The following IFRD1 variants were observed in gnomAD, a reference collection of about 807,000 sequenced individuals.
The protein encoded by IFRD1 is interferon related developmental regulator 1, also known as interferon-related developmental regulator 1.
In IFRD1, 35 loss-of-function variants were observed where a neutral mutation model predicts 52.9. The observed-to-expected ratio is 0.66, with a 90% CI of 0.51 to 0.88. The LOEUF (loss-of-function observed/expected upper bound fraction) is 0.88. Among genes scored for constraint, IFRD1 ranks in the 40% least tolerant of loss-of-function variants. The probability of loss-of-function intolerance (pLI) is 0.00; values close to 1 mark genes in which losing one functional copy is unlikely to be tolerated. For synonymous variants in IFRD1, 184 were observed against 188.4 expected (o/e 0.98, Z 0.19); for missense variants, 517 against 550.8 (o/e 0.94, Z 0.61).
chr7:112,466,468 G>C (rs1245012335), intron 8 of IFRD1, among the ~76,000 whole-genome samples: 1 of 152,016 alleles, frequency 6.6e-6, no homozygotes. Flanking sequence ...TTGTAGGGGT[G>C]GGGGCTGTCT....
chr7:112,463,017 G>A (rs867038103), intron 8 of IFRD1, among the ~76,000 whole-genome samples: 6 of 152,030 alleles, frequency 3.9e-5, no homozygotes, highest in African/African-American at 1.2e-4. Flanking sequence ...CCTTTATCTC[G>A]GGCAAACTGG....
At chr7:112,459,654 T>G (rs1584492160) in intron 5 of IFRD1, among the ~76,000 whole-genome samples, 1 of 152,202 alleles carries the variant, frequency 6.6e-6, no homozygotes, top group Non-Finnish European at 1.5e-5. Flanking sequence ...GTAACATTAA[T>G]CTTTGTCTAA....
chr7:112,424,998 G>A (rs1584459743), intron 1 of IFRD1, among the ~76,000 whole-genome samples: 1 of 152,014 alleles, frequency 6.6e-6, no homozygotes. Context: ...TGATTGTCAG[G>A]TTTTGTTTTG....
chr7:112,474,649 G>A (rs539622906), intron 11 of IFRD1, among the ~76,000 whole-genome samples: 24 of 152,050 alleles, frequency 1.6e-4, no homozygotes, highest in African/African-American at 2.4e-4. Flanking sequence ...TATTGGAGAC[G>A]ATATTTAAAT....
intron 1 of IFRD1, among the ~76,000 whole-genome samples, chr7:112,443,734 G>C (rs1794951418): frequency 6.6e-6 from 1 of 151,848 alleles, no homozygotes; most frequent in African/African-American, 2.4e-5. Context: ...CAGGCATGGT[G>C]GTGAACGCCT....
At chr7:112,464,759 A>G (rs1425897651) in intron 8 of IFRD1, among the ~76,000 whole-genome samples, 2 of 152,164 alleles carry the variant, frequency 1.3e-5, no homozygotes, top group African/African-American at 4.8e-5. Context: ...ACTTGGGAAA[A>G]TTTAACAAAA....
At chr7:112,463,810 A>G (rs1795526737) in intron 8 of IFRD1, among the ~76,000 whole-genome samples, 1 of 151,176 alleles carries the variant, frequency 6.6e-6, no homozygotes, top group Non-Finnish European at 1.5e-5. Flanking sequence ...ATATAGACAC[A>G]TACATACATG....
At chr7:112,431,257 T>C (rs1207952545) in intron 1 of IFRD1, among the ~76,000 whole-genome samples, 1 of 152,214 alleles carries the variant, frequency 6.6e-6, no homozygotes, top group Non-Finnish European at 1.5e-5. Flanking sequence ...GTTTTAACTA[T>C]ATGTCATATT....
rs1248736116 is a variant in IFRD1, at chr7:112,462,314, A to G, written c.842A>G (p.Asn281Ser). ...LPSLLSCDDV[N>S]MRIAAGESLA... ...AGCCTCCTCTCTTGTGATGATGTAA[A>G]CATGAGAATAGCTGCTGGTGAATCT... Residue 281 changes from asparagine to serine, a missense_variant, in exon 8 of 12, where the codon AAC (asparagine) becomes AGC (serine). Coordinates refer to ENST00000403825, the MANE Select transcript of IFRD1 (RefSeq NM_001550.4). The G allele has an allele frequency of 1.2e-6, 2 of 1,613,752 alleles. No homozygotes were observed. Among genetic ancestry groups the G allele is most frequent in the Admixed American group, 3.3e-5 (2 of 59,914 alleles).
rs1795655662 is a variant in IFRD1 at position 112,467,995 on chromosome 7, A to G, written c.921A>G (p.Glu307=). ...ARGIESDFFY[E]DMESLTQMLR... ...TTCTTGTCCAGGACTTTTTTTATGAAGACATGGAGTCCTTGACGCAGATGC... is the reference window on the plus strand; with the variant it reads ...TTCTTGTCCAGGACTTTTTTTATGAGGACATGGAGTCCTTGACGCAGATGC... Residue 307 remains glutamate, a synonymous_variant, in exon 9 of 12, where the codon GAA becomes GAG. Transcript: ENST00000403825. The G allele has an allele frequency of 3.7e-6, 6 of 1,614,044 alleles. No individual in the cohort carries two copies. Among genetic ancestry groups the G allele is most frequent in the Non-Finnish European group, 5.1e-6 (6 of 1,179,928 alleles).
chr7:112,426,974 C>T (rs1467212814), intron 1 of IFRD1, among the ~76,000 whole-genome samples: 1 of 152,196 alleles, frequency 6.6e-6, no homozygotes, highest in Non-Finnish European at 1.5e-5. Context: ...TGATTCATGT[C>T]TCATGTCTCC....
intron 9 of IFRD1, among the ~76,000 whole-genome samples, chr7:112,470,915 TC>T (rs1363234655): frequency 3.0e-4 from 46 of 152,296 alleles, no homozygotes; most frequent in African/African-American, 9.6e-4. Context: ...GTTGGTTGAA[TC>T]CGTGATGCAG....
At chr7:112,436,753 A>G (rs889762685) in intron 1 of IFRD1, among the ~76,000 whole-genome samples, 2 of 152,166 alleles carry the variant, frequency 1.3e-5, no homozygotes, top group Non-Finnish European at 2.9e-5. Flanking sequence ...CAAACCATTT[A>G]TTATATATGT....
Position 112,474,209 on chromosome 7 carries a change from A to G in IFRD1, c.1267-1221A>G, listed in dbSNP as rs114843062. On this transcript the variant is annotated intron_variant, in intron 11 of 11. Coordinates refer to ENST00000403825, the MANE Select transcript of IFRD1 (RefSeq NM_001550.4). ...CGTTGTGAATAGTGTTGCTCTGAAC[A>G]TTCACATACAAAATTTTTTTTGAAA... Among the ~76,000 whole-genome samples, 1,140 of 152,330 alleles carry G rather than the reference A, an allele frequency of 7.5e-3. 12 individuals carry two copies. The highest frequency in any genetic ancestry group is 0.026 in the African/African-American group (1,095 of 41,574).
At chr7:112,424,820 C>T (rs1322047242) in intron 1 of IFRD1, among the ~76,000 whole-genome samples, 3 of 152,126 alleles carry the variant, frequency 2.0e-5, no homozygotes, top group South Asian at 2.1e-4. Context: ...TGAGGTTCCT[C>T]TTGTTTTATT....
chr7:112,466,456 C>T (rs3095035), intron 8 of IFRD1, among the ~76,000 whole-genome samples: 25,938 of 151,962 alleles, frequency 0.17, 2,411 homozygotes, highest in South Asian at 0.31. Flanking sequence ...TATATTTTGT[C>T]ATTGTAGGGG....
chr7:112,476,361 C>G lies in IFRD1; in HGVS notation c.*842C>G, dbSNP rs1441959866. 1 of 152,144 alleles carries G rather than the reference C, an allele frequency of 6.6e-6. No individual in the cohort carries two copies. Among genetic ancestry groups the G allele is most frequent in the African/African-American group, 2.4e-5 (1 of 41,414 alleles). 9.4% of individuals were successfully genotyped at this position (152,144 alleles called of 1,614,324 possible). A position where few individuals can be genotyped will look rare whatever the true frequency, so the allele number is the denominator to read the frequency against. On this transcript the variant is annotated 3_prime_UTR_variant, in exon 12 of 12. Coordinates refer to ENST00000403825, the MANE Select transcript of IFRD1 (RefSeq NM_001550.4). The stretch of plus-strand genomic sequence containing the variant: ...AATTGGGATTAAGGTTTCTGACTTT[C>G]AAGAATATTTCTGCTTGGCAACATG...
intron 9 of IFRD1, among the ~76,000 whole-genome samples, chr7:112,469,657 A>C (rs540589810): frequency 2.0e-5 from 3 of 152,140 alleles, no homozygotes; most frequent in African/African-American, 7.2e-5. Context: ...ATCCCCTTTG[A>C]GTAGTAGATT....
intron 8 of IFRD1, among the ~76,000 whole-genome samples, chr7:112,463,894 A>C (rs866025768): frequency 0.24 from 4,194 of 17,586 alleles, 143 homozygotes; most frequent in African/African-American, 0.44. Context: ...ACACACACAC[A>C]CCCCACGTAT....
Sources: allele counts gnomAD v4.1 joint callset (sites outside exome capture counted in the v4.1 genomes callset), GRCh38; gene constraint gnomAD v4.1.1; transcripts MANE v1.5; gene names NCBI Gene and HGNC (gene_info 2026-07-23, HGNC 2026-07-21).